Variants in CNBD2 observed in about 807,000 individuals in gnomAD.
CNBD2 encodes the protein cyclic nucleotide binding domain containing 2, also known as cyclic nucleotide-binding domain-containing protein 2.
CNBD2 carries 64 observed loss-of-function variants against 63.7 expected under a neutral mutation model. The observed-to-expected ratio is 1.00, with a 90% CI of 0.82 to 1.24. The LOEUF is 1.24. Among genes scored for constraint, CNBD2 ranks in the 50% most tolerant of loss-of-function variants. CNBD2 has a pLI of 0.00. For synonymous variants in CNBD2, 229 were observed against 255.4 expected (o/e 0.90, Z 0.99); for missense variants, 691 against 713.5 (o/e 0.97, Z 0.36).
chr20:35,955,950 A>T (rs2056252450), downstream of CNBD2, among the ~76,000 whole-genome samples: 1 of 151,972 alleles, frequency 6.6e-6, no homozygotes, highest in Non-Finnish European at 1.5e-5. Context: ...CGAACTCTTG[A>T]CCTCAGGTGA....
chr20:35,968,963 C>A (rs990614373), intron 1 of CNBD2, 150 bp downstream of exon 1: 1 of 616,054 alleles, frequency 1.6e-6, no homozygotes, highest in South Asian at 1.9e-5. Context: ...AAAGGAGGGA[C>A]CCCTGCCCTG....
intron 7 of CNBD2, among the ~76,000 whole-genome samples, chr20:35,992,987 C>T (rs775932991): frequency 5.3e-5 from 8 of 152,076 alleles, no homozygotes; most frequent in Non-Finnish European, 8.8e-5. Flanking sequence ...CTGATGGCAT[C>T]GAAAACTTAA....
intron 8 of CNBD2, among the ~76,000 whole-genome samples, chr20:36,007,431 G>A (rs1425645807): frequency 1.3e-5 from 2 of 152,116 alleles, no homozygotes; most frequent in Non-Finnish European, 2.9e-5. Context: ...ACTCAGGTGT[G>A]CACCACTGCA....
At chr20:35,962,257 C>A (rs866122108) in intron 2 of CNBD2, among the ~76,000 whole-genome samples, 2 of 131,538 alleles carry the variant, frequency 1.5e-5, no homozygotes, top group Admixed American at 7.9e-5. Context: ...TCCCTGCAGT[C>A]TTTTTTTTTT....
intron 8 of CNBD2, among the ~76,000 whole-genome samples, chr20:36,006,024 A>ATT (rs553416540): frequency 2.7e-5 from 4 of 148,968 alleles, no homozygotes; most frequent in African/African-American, 9.9e-5. Flanking sequence ...CATACTAGAG[A>ATT]TTTTTTTTTT....
chr20:36,009,141 C>T (rs1236870708), intron 9 of CNBD2, among the ~76,000 whole-genome samples: 1 of 151,882 alleles, frequency 6.6e-6, no homozygotes, highest in African/African-American at 2.4e-5. Flanking sequence ...AGGCTGCATG[C>T]AGTGAGCTGT....
At chr20:35,987,013 G>A (rs947696266) in intron 6 of CNBD2, among the ~76,000 whole-genome samples, 3 of 152,220 alleles carry the variant, frequency 2.0e-5, no homozygotes, top group African/African-American at 7.2e-5. Flanking sequence ...TAAGTTGGGG[G>A]ACAGAGCAGC....
intron 10 of CNBD2, among the ~76,000 whole-genome samples, chr20:36,018,920 C>A (rs899666400): frequency 5.3e-5 from 8 of 152,178 alleles, no homozygotes; most frequent in African/African-American, 1.4e-4. Flanking sequence ...GGGTGAGCTG[C>A]CACCTCTAAA....
intron 2 of CNBD2, 31 bp from the exon 3 acceptor site, chr20:35,975,918 C>T: frequency 6.2e-7 from 1 of 1,602,998 alleles, no homozygotes; most frequent in Non-Finnish European, 8.5e-7. Flanking sequence ...CTTGCTGATT[C>T]TCCCTCTTCT....
intron 8 of CNBD2, among the ~76,000 whole-genome samples, chr20:36,001,721 G>T (rs1334834182): frequency 8.8e-4 from 132 of 150,630 alleles, no homozygotes; most frequent in African/African-American, 3.1e-3. Flanking sequence ...CCCAGACGGG[G>T]TCGCGGCCGG....
chr20:36,002,081 C>T (rs528325069), intron 8 of CNBD2, among the ~76,000 whole-genome samples: 6 of 152,348 alleles, frequency 3.9e-5, no homozygotes, highest in South Asian at 2.1e-4. Flanking sequence ...GCTGAGATCA[C>T]GCCACTGCAC....
intron 2 of CNBD2, among the ~76,000 whole-genome samples, chr20:35,961,504 A>G (rs749317269): frequency 2.0e-5 from 3 of 151,926 alleles, no homozygotes; most frequent in Non-Finnish European, 4.4e-5. Flanking sequence ...GTTCATGATT[A>G]TCATCTGTTT....
intron 7 of CNBD2, among the ~76,000 whole-genome samples, chr20:35,993,803 T>G (rs1402841777): frequency 6.6e-6 from 1 of 151,570 alleles, no homozygotes; most frequent in African/African-American, 2.4e-5. Flanking sequence ...ATAAGAACAG[T>G]ACAAAGAACT....
chr20:36,027,309 G>A (rs2057293864), intron 11 of CNBD2, among the ~76,000 whole-genome samples: 2 of 152,206 alleles, frequency 1.3e-5, no homozygotes, highest in African/African-American at 4.8e-5. Flanking sequence ...AGAGCTGCAG[G>A]TGATTCCAGC....
At chr20:36,012,477 C>CA (rs11471733) in intron 10 of CNBD2, among the ~76,000 whole-genome samples, 4,891 of 139,938 alleles carry the variant, frequency 0.035, 186 homozygotes, top group African/African-American at 0.096. Context: ...AACTCCATCT[C>CA]AAAAAAAAAA....
chr20:36,014,227 C>A (rs2057104219), intron 10 of CNBD2, among the ~76,000 whole-genome samples: 1 of 148,748 alleles, frequency 6.7e-6, no homozygotes, highest in Non-Finnish European at 1.5e-5. Context: ...TGGAAACATA[C>A]AACTGTTTTG....
At chr20:36,016,405 A>G (rs1426202571) in intron 10 of CNBD2, among the ~76,000 whole-genome samples, 6 of 152,198 alleles carry the variant, frequency 3.9e-5, no homozygotes, top group Non-Finnish European at 8.8e-5. Flanking sequence ...AGACATACCA[A>G]TGTAAGATGT....
chr20:36,000,486 C>G (rs2056881387), intron 8 of CNBD2, among the ~76,000 whole-genome samples: 1 of 152,054 alleles, frequency 6.6e-6, no homozygotes, highest in African/African-American at 2.4e-5. Flanking sequence ...AAGCGATTAC[C>G]CTGCCTCAGC....
chr20:36,019,308 T>C (rs2057175867), intron 10 of CNBD2, among the ~76,000 whole-genome samples: 1 of 151,938 alleles, frequency 6.6e-6, no homozygotes, highest in Non-Finnish European at 1.5e-5. Flanking sequence ...GGAGGATGGC[T>C]GAGGCCAGGA....
Sources: gnomAD v4.1 joint callset for allele counts (sites outside exome capture counted in the v4.1 genomes callset) on GRCh38, gnomAD v4.1.1 for gene constraint, MANE v1.5 for transcripts, NCBI Gene and HGNC (gene_info 2026-07-23, HGNC 2026-07-21) for gene names.